ADAM12: variants seen among roughly 807,000 people sequenced by gnomAD.
ADAM12 encodes the protein ADAM metallopeptidase domain 12, also known as disintegrin and metalloproteinase domain-containing protein 12.
ADAM12 carries 70 observed loss-of-function variants against 106.4 expected under a neutral mutation model. That is an observed-to-expected ratio of 0.66 (90% CI 0.54 to 0.80). ADAM12 has a LOEUF of 0.80. ADAM12 is among the 30% of genes least tolerant of loss of function. The pLI, the probability that ADAM12 is intolerant of heterozygous loss-of-function variation, is 0.00. For missense variants in ADAM12, 1,010 were observed against 1,171.9 expected, an observed-to-expected ratio of 0.86 and a Z score of 2.02; for synonymous variants, 420 against 433.5, an observed-to-expected ratio of 0.97 and a Z score of 0.39.
chr10:126,356,006 G>A (rs1226069498), intron 1 of ADAM12, among the ~76,000 whole-genome samples: 4 of 152,018 alleles, frequency 2.6e-5, no homozygotes, highest in African/African-American at 9.7e-5. Context: ...AGCTCCCCAC[G>A]ACTACACATT....
intron 12 of ADAM12, among the ~76,000 whole-genome samples, chr10:126,070,917 AG>A (rs1259171419): frequency 6.6e-6 from 1 of 152,192 alleles, no homozygotes; most frequent in Non-Finnish European, 1.5e-5. Flanking sequence ...GCTGGAAAAC[AG>A]GGTTAAGCCC....
intron 3 of ADAM12, among the ~76,000 whole-genome samples, chr10:126,181,249 T>G (rs1371861868): frequency 6.6e-6 from 1 of 152,024 alleles, no homozygotes; most frequent in East Asian, 1.9e-4. Context: ...TTTTTGTATT[T>G]TTAGTAGAGA....
chr10:126,051,564 T>TCCAG (rs1446296978), intron 14 of ADAM12, among the ~76,000 whole-genome samples: 7 of 112,128 alleles, frequency 6.2e-5, no homozygotes, highest in African/African-American at 8.7e-5. Context: ...CATCCATCCA[T>TCCAG]CCATCCATCC....
chr10:126,147,284 A>AT (rs1222745080), intron 4 of ADAM12, among the ~76,000 whole-genome samples: 1 of 152,078 alleles, frequency 6.6e-6, no homozygotes, highest in Non-Finnish European at 1.5e-5. Flanking sequence ...CTCTGCTGCT[A>AT]TCTCCTCTCA....
intron 2 of ADAM12, among the ~76,000 whole-genome samples, chr10:126,325,771 C>T (rs913787861): frequency 3.3e-5 from 5 of 152,164 alleles, no homozygotes; most frequent in African/African-American, 1.2e-4. Context: ...GAATTTGGTT[C>T]CTAAAGACAC....
chr10:126,072,543 T>C (rs1955018370), intron 11 of ADAM12, among the ~76,000 whole-genome samples: 3 of 152,166 alleles, frequency 2.0e-5, no homozygotes, highest in Admixed American at 6.6e-5. Context: ...GTGTCAGGCA[T>C]GGCATCTGGT....
chr10:126,314,027 A>G (rs1961236781), intron 2 of ADAM12, among the ~76,000 whole-genome samples: 1 of 151,848 alleles, frequency 6.6e-6, no homozygotes, highest in African/African-American at 2.4e-5. Context: ...TCACGGATGG[A>G]GGTCAGGAAC....
At position 126,062,385 on chromosome 10, in the gene ADAM12, C is replaced by T. The variant is rs1350627; in HGVS notation, c.1609+2421G>A. Among the ~76,000 whole-genome samples the T allele has an allele frequency of 7.0e-3, 1,068 of 152,230 alleles. 11 individuals are homozygous for T. The highest frequency in any genetic ancestry group is 0.024 in the African/African-American group (996 of 41,538). On this transcript the variant is annotated intron_variant, in intron 14 of 22. Transcript: ENST00000448723. ...AGCCAGGAGCTCCCAGGGAAGCCCCCTCCTTAGGAAGAGGACGTGGCTACC... is the reference window on the plus strand; with the variant it reads ...AGCCAGGAGCTCCCAGGGAAGCCCCTTCCTTAGGAAGAGGACGTGGCTACC...
chr10:126,353,828 CACAA>C (rs1456747292), intron 1 of ADAM12, among the ~76,000 whole-genome samples: 3 of 152,144 alleles, frequency 2.0e-5, no homozygotes, highest in Admixed American at 1.3e-4. Context: ...ACTGCTCTGG[CACAA>C]ACAGTCATCT....
In ADAM12 at chr10:126,348,071, G is replaced by C. The variant is rs555797340; in HGVS notation, c.89-17562C>G. Among the ~76,000 whole-genome samples, 3 of 152,344 alleles carry C rather than the reference G, an allele frequency of 2.0e-5. No homozygotes were observed. In the South Asian group the frequency reaches 6.2e-4, roughly 32 times the overall value. On this transcript the variant is annotated intron_variant, in intron 1 of 22. Transcript: ENST00000448723. ...AACCCCTGGGGCAATTGAGAAAGGA[G>C]AGGATTTGTGGAAAGCCTTTGTCTT...
intron 6 of ADAM12, among the ~76,000 whole-genome samples, chr10:126,117,504 G>A (rs1468218555): frequency 6.6e-6 from 1 of 152,182 alleles, no homozygotes; most frequent in Non-Finnish European, 1.5e-5. Context: ...ACATCACGTG[G>A]AGGAAGGCCC....
intron 11 of ADAM12, among the ~76,000 whole-genome samples, chr10:126,073,123 C>T (rs1023133206): frequency 3.3e-5 from 5 of 152,086 alleles, no homozygotes; most frequent in African/African-American, 7.2e-5. Context: ...TTTCTGAGAC[C>T]GAGTCTCACT....
chr10:126,368,709 G>A (rs1856004682), intron 1 of ADAM12, among the ~76,000 whole-genome samples: 1 of 151,696 alleles, frequency 6.6e-6, no homozygotes, highest in South Asian at 2.1e-4. Context: ...TTTAGAAGGA[G>A]TCATTTCATT....
At position 126,121,015 on chromosome 10, in the gene ADAM12, ATATATAT is replaced by A. The variant is rs1460516346; in HGVS notation, c.417-2798_417-2792del. ...TATTATATATTACATATGCAATATA[ATATATAT>A]TATATATTATATATGCAATATAATA... On this transcript the variant is annotated intron_variant, in intron 5 of 22. Transcript: ENST00000448723. 9.7e-3 allele frequency among the ~76,000 whole-genome samples: 441 copies of A among 45,390 alleles called. 28 individuals carry two copies. In the East Asian group the frequency reaches 0.17, roughly 17 times the overall value. The allele number at this position is 45,390 out of a possible 152,430, so 29.8% of individuals were successfully genotyped here.
chr10:126,118,198 C>G lies in ADAM12; in HGVS notation c.443G>C (p.Ser148Thr). ...LRGLIVFENE[S>T]YVLEPMKSAT... The stretch of plus-strand genomic sequence containing the variant: ...ACTTTTCATTGGTTCTAAGACATAG[C>G]TTTCATTTTCAAACACAATAAGTCC... The change falls in exon 6 of 23, where the codon AGC becomes ACC. Residue 148 changes from serine to threonine, a missense_variant. Physicochemically the swap from Ser to Thr is moderately conservative, Grantham distance 58. This residue lies in a region of ADAM12 where 391 missense variants were observed against 442.9 expected (regional missense o/e 0.88). Coordinates refer to ENST00000448723, the MANE Select transcript of ADAM12 (RefSeq NM_001288973.2). 6.2e-7 allele frequency: 1 copy of G among 1,613,874 alleles called. No individual in the cohort carries two copies. Among genetic ancestry groups the G allele is most frequent in the Non-Finnish European group, 8.5e-7 (1 of 1,179,836 alleles).
chr10:126,024,092 C>CA (rs1186791975), intron 21 of ADAM12, among the ~76,000 whole-genome samples: 5 of 151,878 alleles, frequency 3.3e-5, no homozygotes, highest in Non-Finnish European at 7.4e-5. Flanking sequence ...CTTCTAGAAG[C>CA]AAAAAAAGTA....
intron 1 of ADAM12, among the ~76,000 whole-genome samples, chr10:126,387,536 T>C (rs944967234): frequency 6.6e-5 from 10 of 152,068 alleles, no homozygotes; most frequent in African/African-American, 2.4e-4. Context: ...AAATAGAGCC[T>C]GCTGTGGAGA....
intron 3 of ADAM12, among the ~76,000 whole-genome samples, chr10:126,274,408 C>T (rs891381417): frequency 1.4e-4 from 21 of 152,174 alleles, no homozygotes; most frequent in African/African-American, 5.1e-4. Context: ...GCCTCAGGGG[C>T]TTGAGTATGC....
At chr10:126,020,494 C>T (rs898196376) in intron 21 of ADAM12, among the ~76,000 whole-genome samples, 13 of 152,078 alleles carry the variant, frequency 8.5e-5, no homozygotes, top group South Asian at 6.2e-4. Context: ...GGTTATTCCA[C>T]GCTAGGTTTT....
Sources: allele counts gnomAD v4.1 joint callset (sites outside exome capture counted in the v4.1 genomes callset), GRCh38; gene constraint gnomAD v4.1.1; regional missense constraint gnomAD v4.1.1; transcripts MANE v1.5; gene names NCBI Gene and HGNC (gene_info 2026-07-23, HGNC 2026-07-21).